The following SV2B variants were observed in gnomAD, a reference collection of about 807,000 sequenced individuals.
The protein encoded by SV2B is synaptic vesicle glycoprotein 2B.
SV2B carries 41 observed loss-of-function variants against 73.9 expected under a neutral mutation model. That is an observed-to-expected ratio of 0.56 (90% CI 0.43 to 0.72). The LOEUF (loss-of-function observed/expected upper bound fraction) is 0.72, where lower values mean the gene tolerates loss of function less well. Among genes scored for constraint, SV2B ranks in the 30% least tolerant of loss-of-function variants. SV2B has a pLI of 0.00. For missense variants in SV2B, 764 were observed against 857.8 expected (o/e 0.89, Z 1.37); for synonymous variants, 314 against 314.2 (o/e 1.00, Z 0.01).
At chr15:91,131,420 T>A (rs1024132434) in intron 1 of SV2B, among the ~76,000 whole-genome samples, 3 of 151,988 alleles carry the variant, frequency 2.0e-5, no homozygotes, top group African/African-American at 2.4e-5. Flanking sequence ...CACATATATG[T>A]ATACATATAC....
chr15:91,270,748 A>G (rs1249015737), intron 9 of SV2B, among the ~76,000 whole-genome samples: 1 of 148,762 alleles, frequency 6.7e-6, no homozygotes, highest in Non-Finnish European at 1.5e-5. Flanking sequence ...AGGAGGAAAC[A>G]GGGGCTGAAG....
rs1476189035 is a variant in SV2B, at chr15:91,295,376, G to A, written c.*2824G>A. On this transcript the variant is annotated 3_prime_UTR_variant, in exon 13 of 13. Coordinates refer to ENST00000394232, the MANE Select transcript of SV2B (RefSeq NM_001323032.3). ...CAGCGTTCCCTCCTACGTTGTGTTA[G>A]TTCATTAAAACTAAATAATAAAAAT... 2.0e-5 allele frequency: 3 copies of A among 152,196 alleles called. No individual in the cohort carries two copies. The highest frequency in any genetic ancestry group is 2.9e-5 in the Non-Finnish European group (2 of 68,042). 9.4% of individuals were successfully genotyped at this position (152,196 alleles called of 1,614,324 possible).
rs1347808053 is a variant in SV2B, at chr15:91,118,953, A to C, written c.-392+18590A>C. On this transcript the variant is annotated intron_variant, in intron 1 of 12. Coordinates refer to ENST00000394232, the MANE Select transcript of SV2B (RefSeq NM_001323032.3). The surrounding 1 kb of genome is among the most constrained non-coding windows in gnomAD (Gnocchi z 4.7). ...GAATGAGCTGTCTCGGCTTGGAGGC[A>C]GGGCCTGTGGGGGTGGGCGTGCTGG... Among the ~76,000 whole-genome samples the C allele has an allele frequency of 6.6e-6, 1 of 152,178 alleles. No homozygotes were observed. Among genetic ancestry groups the C allele is most frequent in the African/African-American group, 2.4e-5 (1 of 41,446 alleles).
Position 91,139,844 on chromosome 15 carries a change from G to C in SV2B, c.-392+39481G>C, listed in dbSNP as rs754437706. Among the ~76,000 whole-genome samples the C allele has an allele frequency of 6.6e-6, 1 of 152,176 alleles. No individual in the cohort carries two copies. The highest frequency in any genetic ancestry group is 2.4e-5 in the African/African-American group (1 of 41,434). On this transcript the variant is annotated intron_variant, in intron 1 of 12. Coordinates refer to ENST00000394232, the MANE Select transcript of SV2B (RefSeq NM_001323032.3). The surrounding 1 kb of genome is among the most constrained non-coding windows in gnomAD (Gnocchi z 5.2). ...AAAAGACGTAAACTAAGATTGTCCT[G>C]GAGAAACCAAGCTATATGGTCCCTC... is the stretch of plus-strand genomic sequence containing the variant.
At position 91,100,285 on chromosome 15, in the gene SV2B, G is replaced by C. The variant is rs562155389; in HGVS notation, c.-470G>C. The C allele has an allele frequency of 1.3e-5, 2 of 152,310 alleles. No homozygotes were observed. The highest frequency in any genetic ancestry group is 3.9e-4 in the East Asian group (2 of 5,178). The allele number at this position is 152,310 out of a possible 1,614,324, so 9.4% of individuals were successfully genotyped here. A position where few individuals can be genotyped will look rare whatever the true frequency, so the allele number is the denominator to read the frequency against. Reference sequence around the variant, plus strand: ...CGGATCGCCCAGCTCCGCGTTAGCCGGAGCTGCACGCGGGGCTGCCGGGGC... The same window carrying C: ...CGGATCGCCCAGCTCCGCGTTAGCCCGAGCTGCACGCGGGGCTGCCGGGGC... On this transcript the variant is annotated 5_prime_UTR_variant, in exon 1 of 13. Coordinates refer to ENST00000394232, the MANE Select transcript of SV2B (RefSeq NM_001323032.3). This position sits in a 1 kb window ranked among gnomAD's most constrained non-coding sequence, Gnocchi z 6.4.
chr15:91,277,577 G>C (rs766031637), intron 9 of SV2B, among the ~76,000 whole-genome samples: 1 of 152,098 alleles, frequency 6.6e-6, no homozygotes, highest in Non-Finnish European at 1.5e-5. Flanking sequence ...TTTTGAATTT[G>C]CTTCTTTTAC....
At chr15:91,165,968 G>A (rs2043897703) in intron 1 of SV2B, among the ~76,000 whole-genome samples, 1 of 152,072 alleles carries the variant, frequency 6.6e-6, no homozygotes, top group African/African-American at 2.4e-5. Flanking sequence ...AGTCTTGAAG[G>A]ATGTTTTCAC....
At position 91,229,251 on chromosome 15, in the gene SV2B, G is replaced by A. The variant is rs1301176604; in HGVS notation, c.451+2537G>A. Among the ~76,000 whole-genome samples the A allele has an allele frequency of 2.6e-5, 4 of 151,934 alleles. No individual in the cohort carries two copies. Among genetic ancestry groups the A allele is most frequent in the African/African-American group, 4.8e-5 (2 of 41,352 alleles). ...CCTCTAGGGTTTGGCGACTGGGTACGTCCTACATGTCATCGATCTGCTAGT... is the reference window on the plus strand; with the variant it reads ...CCTCTAGGGTTTGGCGACTGGGTACATCCTACATGTCATCGATCTGCTAGT... On this transcript the variant is annotated intron_variant, in intron 2 of 12. Transcript: ENST00000394232. This position sits in a 1 kb window ranked among gnomAD's most constrained non-coding sequence, Gnocchi z 4.3.
rs1221436133 is a variant in SV2B, at chr15:91,110,525, C to G, written c.-392+10162C>G. Among the ~76,000 whole-genome samples the G allele has an allele frequency of 6.6e-6, 1 of 152,224 alleles. No homozygotes were observed. The highest frequency in any genetic ancestry group is 1.5e-5 in the Non-Finnish European group (1 of 68,046). Reference sequence around the variant, plus strand: ...GGTGGCTCCTGTGTTGCCTGCCATCCCTGCTCTATCGCACGCAGAATCTGA... The same window carrying G: ...GGTGGCTCCTGTGTTGCCTGCCATCGCTGCTCTATCGCACGCAGAATCTGA... On this transcript the variant is annotated intron_variant, in intron 1 of 12. Transcript: ENST00000394232. This position sits in a 1 kb window ranked among gnomAD's most constrained non-coding sequence, Gnocchi z 5.4.
chr15:91,145,706 AT>A (rs1349842025), intron 1 of SV2B, among the ~76,000 whole-genome samples: 1 of 152,126 alleles, frequency 6.6e-6, no homozygotes, highest in African/African-American at 2.4e-5. Context: ...ATGATATCTC[AT>A]TGTGGTTTTG....
In SV2B at chr15:91,140,504, C is replaced by T. The variant is rs569233369; in HGVS notation, c.-392+40141C>T. ...TCGTGGAGTTCCTCCAAATGAACTT[C>T]CCACACACTTCTGGCTGAAACTGGC... On this transcript the variant is annotated intron_variant, in intron 1 of 12. Transcript: ENST00000394232. This position sits in a 1 kb window ranked among gnomAD's most constrained non-coding sequence, Gnocchi z 4.4. Among the ~76,000 whole-genome samples, 1 of 152,294 alleles carries T rather than the reference C, an allele frequency of 6.6e-6. No individual in the cohort carries two copies. Among genetic ancestry groups the T allele is most frequent in the East Asian group, 1.9e-4 (1 of 5,182 alleles).
At chr15:91,162,878 G>A (rs879860971) in intron 1 of SV2B, among the ~76,000 whole-genome samples, 12 of 151,904 alleles carry the variant, frequency 7.9e-5, no homozygotes, top group Non-Finnish European at 1.3e-4. Context: ...CCATTAACTC[G>A]TCATTTACAT....
At chr15:91,248,318 CA>C (rs910740179) in intron 2 of SV2B, among the ~76,000 whole-genome samples, 2 of 152,068 alleles carry the variant, frequency 1.3e-5, no homozygotes, top group African/African-American at 4.8e-5. Flanking sequence ...ATCTAAAAAA[CA>C]AAAAACAAAC....
In SV2B at chr15:91,128,307, T is replaced by C. The variant is rs150529584; in HGVS notation, c.-392+27944T>C. Among the ~76,000 whole-genome samples, 112 of 152,298 alleles carry C rather than the reference T, an allele frequency of 7.4e-4. 1 individual carries two copies. In the East Asian group the frequency reaches 0.02, roughly 27 times the overall value. ...AGGAGGTGTCAGAATGTAAAAGCTG[T>C]TCTGTTCTTTCCTTGACAATTATCT... On this transcript the variant is annotated intron_variant, in intron 1 of 12. Transcript: ENST00000394232. This position sits in a 1 kb window ranked among gnomAD's most constrained non-coding sequence, Gnocchi z 4.2.
chr15:91,185,677 T>TATGATGGGGATTAGGATGATG (rs2044742647), intron 1 of SV2B, among the ~76,000 whole-genome samples: 1 of 152,174 alleles, frequency 6.6e-6, no homozygotes, highest in African/African-American at 2.4e-5. Context: ...GAAAAAGTGA[T>TATGATGGGGATTAGGATGATG]ATGATGGGGA....
At chr15:91,287,880 G>C (rs1348328717) in intron 11 of SV2B, among the ~76,000 whole-genome samples, 1 of 152,166 alleles carries the variant, frequency 6.6e-6, no homozygotes, top group East Asian at 1.9e-4. Flanking sequence ...GGACAAGGGG[G>C]GATAATTGCA....
intron 1 of SV2B, among the ~76,000 whole-genome samples, chr15:91,211,767 G>T (rs1346433858): frequency 6.7e-6 from 1 of 148,248 alleles, no homozygotes; most frequent in Non-Finnish European, 1.5e-5. Context: ...CTCCCAAAGT[G>T]CTGGGATTAC....
rs909754737 is a variant in SV2B, at chr15:91,232,597, G to T, written c.451+5883G>T. Among the ~76,000 whole-genome samples the T allele has an allele frequency of 6.6e-6, 1 of 152,228 alleles. No individual in the cohort carries two copies. Among genetic ancestry groups the T allele is most frequent in the South Asian group, 2.1e-4 (1 of 4,818 alleles). On this transcript the variant is annotated intron_variant, in intron 2 of 12. Coordinates refer to ENST00000394232, the MANE Select transcript of SV2B (RefSeq NM_001323032.3). This position sits in a 1 kb window ranked among gnomAD's most constrained non-coding sequence, Gnocchi z 4.7. ...AGGAGCGGAATTTTGAGGATGAGTT[G>T]TCTGAATTGGTTCTGGGGTTTCTGG... is the stretch of plus-strand genomic sequence containing the variant.
rs528356566 is a variant in SV2B, at chr15:91,180,999, C to G, written c.-391-44874C>G. On this transcript the variant is annotated intron_variant, in intron 1 of 12. Coordinates refer to ENST00000394232, the MANE Select transcript of SV2B (RefSeq NM_001323032.3). ...TTTTAGAGTTTCCATTTTTTCTGCTCTGTTTTTTCCCCATCTTTGTGGTTT... is the reference window on the plus strand; with the variant it reads ...TTTTAGAGTTTCCATTTTTTCTGCTGTGTTTTTTCCCCATCTTTGTGGTTT... Among the ~76,000 whole-genome samples, 39 of 152,282 alleles carry G rather than the reference C, an allele frequency of 2.6e-4. 1 individual carries two copies. The South Asian group carries it at 7.9e-3, about 31-fold the overall frequency.
Sources: allele counts gnomAD v4.1 joint callset (sites outside exome capture counted in the v4.1 genomes callset), GRCh38; gene constraint gnomAD v4.1.1; non-coding constraint Gnocchi (gnomAD v3.1); transcripts MANE v1.5; gene names NCBI Gene and HGNC (gene_info 2026-07-23, HGNC 2026-07-21).